Variants in ZFHX3 observed in about 807,000 individuals in gnomAD.
ZFHX3 encodes the protein zinc finger homeobox protein 3.
In ZFHX3, 42 loss-of-function variants were observed where a neutral mutation model predicts 279.1. That is an observed-to-expected ratio of 0.15 (90% CI 0.12 to 0.19). The LOEUF (loss-of-function observed/expected upper bound fraction) is 0.19, where lower values mean the gene tolerates loss of function less well. ZFHX3 is among the 10% of genes least tolerant of loss of function. The pLI is 1.00. For synonymous variants in ZFHX3, 2,293 were observed against 1,957.8 expected, an observed-to-expected ratio of 1.17 and a Z score of -4.52; for missense variants, 4,981 against 4,754.0, an observed-to-expected ratio of 1.05 and a Z score of -1.40.
intron 5 of ZFHX3, among the ~76,000 whole-genome samples, chr16:73,217,445 T>C (rs923615728): frequency 1.3e-5 from 2 of 152,090 alleles, no homozygotes; most frequent in Non-Finnish European, 2.9e-5. Flanking sequence ...GGTTTGGTAT[T>C]TTTTGTTTTG....
chr16:72,957,713 A>G lies in ZFHX3; in HGVS notation c.2433T>C (p.Tyr811=), dbSNP rs1961321789. The change falls in exon 2 of 10, where the codon TAT becomes TAC. Residue 811 remains tyrosine, a synonymous_variant. Transcript: ENST00000268489. ...GGAGGTTCCTGGCCACGTTGGTCTC[A>G]TAATCACACACCTCGCACCGCCAGG... ...KPTWRCEVCD[Y]ETNVARNLRI... is the part of the protein sequence containing the mutation. 6.2e-7 allele frequency: 1 copy of G among 1,614,172 alleles called. No homozygotes were observed. Among genetic ancestry groups the G allele is most frequent in the East Asian group, 2.2e-5 (1 of 44,858 alleles).
At chr16:73,223,418 A>G (rs1484259685) in intron 5 of ZFHX3, among the ~76,000 whole-genome samples, 1 of 152,166 alleles carries the variant, frequency 6.6e-6, no homozygotes, top group African/African-American at 2.4e-5. Flanking sequence ...AGACCTTAAC[A>G]GACGCCTCAC....
At chr16:72,939,510 G>A (rs1282275746) in intron 3 of ZFHX3, among the ~76,000 whole-genome samples, 1 of 152,236 alleles carries the variant, frequency 6.6e-6, no homozygotes, top group Non-Finnish European at 1.5e-5. Flanking sequence ...GACCACTGCA[G>A]TGACACAGAC....
intron 1 of ZFHX3, among the ~76,000 whole-genome samples, chr16:73,035,809 CAGG>C (rs1398109730): frequency 5.3e-5 from 8 of 152,168 alleles, no homozygotes; most frequent in Non-Finnish European, 1.5e-5. Flanking sequence ...GAGGCTGAGG[CAGG>C]AGGACTACTT....
Position 73,385,163 on chromosome 16 carries a change from A to G in ZFHX3, c.-1290-66827T>C, listed in dbSNP as rs1298598841. On this transcript the variant is annotated intron_variant, in intron 3 of 17. Transcript: ENST00000641206. ...GTGACTTTGTTTAGGCTCCTGATCA[A>G]ATGCTACCCCTAGCCACAGGATGTT... Among the ~76,000 whole-genome samples, 3 of 152,130 alleles carry G rather than the reference A, an allele frequency of 2.0e-5. No individual in the cohort carries two copies. The East Asian group carries it at 5.8e-4, about 29-fold the overall frequency.
At chr16:73,026,852 A>G (rs1413378671) in intron 1 of ZFHX3, among the ~76,000 whole-genome samples, 1 of 152,176 alleles carries the variant, frequency 6.6e-6, no homozygotes, top group Non-Finnish European at 1.5e-5. Context: ...ACACAGGTAA[A>G]GGAGAACTAA....
In ZFHX3 at chr16:73,779,040, C is replaced by T. The variant is rs554987799; in HGVS notation, c.-1607-98800G>A. On this transcript the variant is annotated intron_variant, in intron 1 of 17. Transcript: ENST00000641206. Reference sequence around the variant, plus strand: ...GAATAAGCCTGAGTGTCCCCAGCTCCGCCCTAGGGTGGGGGTGGGTGGTCC... The same window carrying T: ...GAATAAGCCTGAGTGTCCCCAGCTCTGCCCTAGGGTGGGGGTGGGTGGTCC... 2.1e-3 allele frequency among the ~76,000 whole-genome samples: 323 copies of T among 152,156 alleles called. 1 individual carries two copies. Among genetic ancestry groups the T allele is most frequent in the African/African-American group, 7.2e-3 (300 of 41,520 alleles).
intron 2 of ZFHX3, chr16:73,679,882 A>G (rs2052992790): frequency 6.6e-6 from 1 of 152,202 alleles, no homozygotes; most frequent in African/African-American, 2.4e-5. Context: ...AATCTTTAGC[A>G]ACAGGATTCA....
At chr16:73,611,806 C>A (rs911624679) in intron 2 of ZFHX3, among the ~76,000 whole-genome samples, 1 of 152,168 alleles carries the variant, frequency 6.6e-6, no homozygotes, top group Non-Finnish European at 1.5e-5. Flanking sequence ...CCACCACCCA[C>A]TTTTATTAAT....
chr16:73,230,583 T>C (rs1354298148), intron 5 of ZFHX3, among the ~76,000 whole-genome samples: 2 of 152,222 alleles, frequency 1.3e-5, no homozygotes, highest in Non-Finnish European at 2.9e-5. Flanking sequence ...TCCTTGGTGA[T>C]ACACAAAAGT....
chr16:73,019,551 C>T (rs1369198172), intron 1 of ZFHX3, among the ~76,000 whole-genome samples: 1 of 152,196 alleles, frequency 6.6e-6, no homozygotes, highest in Non-Finnish European at 1.5e-5. Flanking sequence ...GGGAACAGCA[C>T]TTTGCCTCCC....
intron 2 of ZFHX3, among the ~76,000 whole-genome samples, chr16:73,560,013 G>A (rs2020346593): frequency 6.6e-6 from 1 of 152,154 alleles, no homozygotes; most frequent in African/African-American, 2.4e-5. Flanking sequence ...AGAATTAAAA[G>A]GGCTTGTTTC....
chr16:73,298,182 C>A (rs1408293015), intron 4 of ZFHX3, among the ~76,000 whole-genome samples: 1 of 151,150 alleles, frequency 6.6e-6, no homozygotes, highest in East Asian at 1.9e-4. Flanking sequence ...GAGAGCAAGA[C>A]CCTGTCTCTA....
chr16:73,461,490 C>CT (rs2018469921), intron 2 of ZFHX3, among the ~76,000 whole-genome samples: 1 of 152,152 alleles, frequency 6.6e-6, no homozygotes, highest in East Asian at 1.9e-4. Flanking sequence ...ATTTTCTCTT[C>CT]TTTTTTCTAA....
At chr16:72,816,736 A>G (rs562402324) in intron 5 of ZFHX3, among the ~76,000 whole-genome samples, 1 of 152,354 alleles carries the variant, frequency 6.6e-6, no homozygotes, top group African/African-American at 2.4e-5. Context: ...AAATACTGAG[A>G]GAAACAAACC....
chr16:73,269,837 C>T (rs10459855), intron 4 of ZFHX3, among the ~76,000 whole-genome samples: 70,331 of 151,646 alleles, frequency 0.46, 16,968 homozygotes, highest in East Asian at 0.66. Flanking sequence ...CAACCTCTGC[C>T]CCCTGAGTTC....
chr16:72,978,282 T>A (rs1375414925), intron 1 of ZFHX3, among the ~76,000 whole-genome samples: 10 of 152,234 alleles, frequency 6.6e-5, no homozygotes, highest in Admixed American at 6.5e-4. Flanking sequence ...TGGGTTTTTA[T>A]TTTTATTTCC....
chr16:73,081,856 A>C (rs1200441161), intron 8 of ZFHX3, among the ~76,000 whole-genome samples: 2 of 107,156 alleles, frequency 1.9e-5, no homozygotes, highest in Non-Finnish European at 3.7e-5. Context: ...TTTTTTTTTG[A>C]GACGGAGTCT....
chr16:73,108,341 A>G (rs1318323233), intron 7 of ZFHX3, among the ~76,000 whole-genome samples: 1 of 151,976 alleles, frequency 6.6e-6, no homozygotes, highest in Non-Finnish European at 1.5e-5. Flanking sequence ...CTTAAAAAAA[A>G]AAGAGAGAGA....
Sources: allele counts gnomAD v4.1 joint callset (sites outside exome capture counted in the v4.1 genomes callset), GRCh38; gene constraint gnomAD v4.1.1; transcripts MANE v1.5; gene names NCBI Gene and HGNC (gene_info 2026-07-23, HGNC 2026-07-21).